SGCZ: variants seen among roughly 807,000 people sequenced by gnomAD.
SGCZ encodes the protein zeta-sarcoglycan.
Under a neutral mutation model 41.3 loss-of-function variants are expected in SGCZ, and 40 were observed. That is an observed-to-expected ratio of 0.97 (90% CI 0.75 to 1.26). The LOEUF (loss-of-function observed/expected upper bound fraction) is 1.26, where lower values mean the gene tolerates loss of function less well. SGCZ is among the 50% of genes most tolerant of loss of function. The probability of loss-of-function intolerance (pLI) is 0.00; values close to 1 mark genes in which losing one functional copy is unlikely to be tolerated. For missense variants in SGCZ, 552 were observed against 369.8 expected, an observed-to-expected ratio of 1.49 and a Z score of -4.04; for synonymous variants, 206 against 137.5, an observed-to-expected ratio of 1.50 and a Z score of -3.49.
chr8:14,827,498 A>C (rs1802374856), intron 1 of SGCZ, among the ~76,000 whole-genome samples: 1 of 152,018 alleles, frequency 6.6e-6, no homozygotes. Context: ...TGGCCTCCCA[A>C]AGTGCTTATA....
chr8:14,573,971 T>A (rs1173440446), intron 1 of SGCZ, among the ~76,000 whole-genome samples: 1 of 152,086 alleles, frequency 6.6e-6, no homozygotes, highest in Non-Finnish European at 1.5e-5. Flanking sequence ...GATACATGCA[T>A]ACACTACAGG....
At chr8:15,222,501 G>A (rs1256533052) in intron 1 of SGCZ, among the ~76,000 whole-genome samples, 1 of 151,984 alleles carries the variant, frequency 6.6e-6, no homozygotes, top group African/African-American at 2.4e-5. Context: ...AAATCAATTA[G>A]TGCTTACATA....
chr8:14,865,701 T>C (rs1001400278), intron 1 of SGCZ, among the ~76,000 whole-genome samples: 1 of 152,074 alleles, frequency 6.6e-6, no homozygotes, highest in African/African-American at 2.4e-5. Flanking sequence ...ATCTAAGAAG[T>C]TAAAAACGGA....
intron 2 of SGCZ, among the ~76,000 whole-genome samples, chr8:14,417,508 T>C (rs1799525642): frequency 6.6e-6 from 1 of 151,902 alleles, no homozygotes; most frequent in African/African-American, 2.4e-5. Context: ...TGGAAATAAA[T>C]ACATAGTATC....
At chr8:15,056,610 T>G (rs1804715683) in intron 1 of SGCZ, among the ~76,000 whole-genome samples, 1 of 152,152 alleles carries the variant, frequency 6.6e-6, no homozygotes, top group Admixed American at 6.5e-5. Flanking sequence ...ATTTCTTTCT[T>G]TGTAACTGTA....
intron 2 of SGCZ, among the ~76,000 whole-genome samples, chr8:14,507,222 T>C (rs1009636312): frequency 1.3e-5 from 2 of 151,354 alleles, no homozygotes; most frequent in African/African-American, 4.9e-5. Flanking sequence ...CATAAGTATG[T>C]AGCCATTCGC....
rs74539135 is a variant in SGCZ at position 15,058,094 on chromosome 8, G to T, written c.39+179491C>A. On this transcript the variant is annotated intron_variant, in intron 1 of 7. Transcript: ENST00000382080. ...GCAACTGTTAATTAATTTCACGAGG[G>T]TGGTCAAGTAGATGGAGCTATCACA... Among the ~76,000 whole-genome samples, 1,044 of 152,304 alleles carry T rather than the reference G, an allele frequency of 6.9e-3. 7 individuals carry two copies. Among genetic ancestry groups the T allele is most frequent in the East Asian group, 0.013 (65 of 5,188 alleles).
chr8:14,687,125 C>A lies in SGCZ; in HGVS notation c.40-132199G>T, dbSNP rs1585182529. Among the ~76,000 whole-genome samples the A allele has an allele frequency of 2.0e-5, 3 of 147,302 alleles. No individual in the cohort carries two copies. In the South Asian group the frequency reaches 6.4e-4, roughly 32 times the overall value. ...CATAAATGTAATTATGAAACCTTAA[C>A]AACAGTTCATTTCCCAAGGCTTTTA... On this transcript the variant is annotated intron_variant, in intron 1 of 7. Transcript: ENST00000382080.
intron 3 of SGCZ, among the ~76,000 whole-genome samples, chr8:14,270,156 A>T (rs1293482711): frequency 5.2e-5 from 7 of 134,630 alleles, no homozygotes; most frequent in Admixed American, 5.1e-4. Flanking sequence ...ACATGGTGAA[A>T]CCCTGTGTTC....
At chr8:14,500,383 A>G (rs993866056) in intron 2 of SGCZ, among the ~76,000 whole-genome samples, 5 of 151,970 alleles carry the variant, frequency 3.3e-5, no homozygotes, top group African/African-American at 1.2e-4. Context: ...AATAAGCAAC[A>G]AGGAGAGCTA....
rs867047261 is a variant in SGCZ, at chr8:14,551,607, T to A, written c.234+3125A>T. On this transcript the variant is annotated intron_variant, in intron 2 of 7. Transcript: ENST00000382080. ...TATATATAATATATATTATATATAT[T>A]ATATATATACATAAAATATATATAT... Among the ~76,000 whole-genome samples, 12 of 38,540 alleles carry A rather than the reference T, an allele frequency of 3.1e-4. 1 individual carries two copies. The highest frequency in any genetic ancestry group is 9.9e-4 in the South Asian group (2 of 2,022). 25.3% of individuals were successfully genotyped at this position (38,540 alleles called of 152,430 possible).
intron 1 of SGCZ, among the ~76,000 whole-genome samples, chr8:14,567,709 G>T (rs1398578435): frequency 1.3e-5 from 2 of 152,102 alleles, no homozygotes; most frequent in Non-Finnish European, 2.9e-5. Flanking sequence ...GGTGCACACT[G>T]TCTTTATGAG....
intron 1 of SGCZ, among the ~76,000 whole-genome samples, chr8:14,555,251 C>T (rs572660778): frequency 6.6e-6 from 1 of 152,128 alleles, no homozygotes; most frequent in East Asian, 1.9e-4. Context: ...AAGAACTCTA[C>T]TCATGTCCAA....
At position 14,423,486 on chromosome 8, in the gene SGCZ, G is replaced by A. The variant is rs187477609; in HGVS notation, c.235-99282C>T. ...GGCCAGAGTGCAATGGTGCAATGTC[G>A]ACTCACCGCAACCTCCGCCTCCCGG... On this transcript the variant is annotated intron_variant, in intron 2 of 7. Coordinates refer to ENST00000382080, the MANE Select transcript of SGCZ (RefSeq NM_139167.4). 1.6e-4 allele frequency among the ~76,000 whole-genome samples: 24 copies of A among 151,922 alleles called. No homozygotes were observed. The East Asian group carries it at 3.9e-3, about 25-fold the overall frequency.
At chr8:14,949,638 T>C (rs1800565680) in intron 1 of SGCZ, among the ~76,000 whole-genome samples, 1 of 152,108 alleles carries the variant, frequency 6.6e-6, no homozygotes. Context: ...TTTTGTGAAT[T>C]CTGGAGGTCA....
chr8:14,468,347 A>G (rs1371264416), intron 2 of SGCZ, among the ~76,000 whole-genome samples: 1 of 152,128 alleles, frequency 6.6e-6, no homozygotes, highest in African/African-American at 2.4e-5. Flanking sequence ...ACAAGCATAA[A>G]GAAGTAAACT....
chr8:14,567,034 G>C (rs962982027), intron 1 of SGCZ, among the ~76,000 whole-genome samples: 2 of 152,324 alleles, frequency 1.3e-5, no homozygotes, highest in South Asian at 4.1e-4. Flanking sequence ...CCGGCTCCCC[G>C]GGGCTGTGCT....
At chr8:15,220,994 C>A (rs532080609) in intron 1 of SGCZ, among the ~76,000 whole-genome samples, 36 of 151,992 alleles carry the variant, frequency 2.4e-4, no homozygotes, top group Non-Finnish European at 5.1e-4. Flanking sequence ...TGGGGAACAT[C>A]ACACACAGGG....
chr8:14,439,468 C>A (rs769123543), intron 2 of SGCZ, among the ~76,000 whole-genome samples: 3 of 151,244 alleles, frequency 2.0e-5, no homozygotes, highest in Non-Finnish European at 3.0e-5. Flanking sequence ...AAAATCAGAC[C>A]AAGACAGTAC....
Sources: gnomAD v4.1 joint callset for allele counts (sites outside exome capture counted in the v4.1 genomes callset) on GRCh38, gnomAD v4.1.1 for gene constraint, MANE v1.5 for transcripts, NCBI Gene and HGNC (gene_info 2026-07-23, HGNC 2026-07-21) for gene names.